KATNBL1: variants seen among roughly 807,000 people sequenced by gnomAD.
KATNBL1 encodes KATNB1-like protein 1.
In KATNBL1, 28 loss-of-function variants were observed where a neutral mutation model predicts 44.7. The observed-to-expected ratio is 0.63, with a 90% CI of 0.46 to 0.86. The LOEUF (loss-of-function observed/expected upper bound fraction) is 0.86, where lower values mean the gene tolerates loss of function less well. Among genes scored for constraint, KATNBL1 ranks in the 40% least tolerant of loss-of-function variants. The probability of loss-of-function intolerance (pLI) is 0.00; values close to 1 mark genes in which losing one functional copy is unlikely to be tolerated. For missense variants in KATNBL1, 272 were observed against 350.7 expected (o/e 0.78, Z 1.79); for synonymous variants, 78 against 114.9 (o/e 0.68, Z 2.06).
At chr15:34,206,422 G>A (rs895562319) in intron 1 of KATNBL1, among the ~76,000 whole-genome samples, 2 of 152,178 alleles carry the variant, frequency 1.3e-5, no homozygotes, top group Admixed American at 6.5e-5. Context: ...CCAAAGTTAA[G>A]GGGTATTAAG....
At chr15:34,164,990 A>C (rs1265442002) in intron 1 of KATNBL1, among the ~76,000 whole-genome samples, 1 of 152,250 alleles carries the variant, frequency 6.6e-6, no homozygotes, top group African/African-American at 2.4e-5. Flanking sequence ...TTTTACAAAT[A>C]ATTTCAGCGA....
intron 9 of KATNBL1, among the ~76,000 whole-genome samples, chr15:34,143,911 G>A (rs1355747230): frequency 2.3e-5 from 3 of 133,020 alleles, no homozygotes; most frequent in Non-Finnish European, 3.1e-5. Flanking sequence ...AGCTTGTAGT[G>A]AGCCGAGATT....
intron 1 of KATNBL1, among the ~76,000 whole-genome samples, chr15:34,202,430 A>G (rs1392004754): frequency 6.7e-6 from 1 of 149,200 alleles, no homozygotes; most frequent in Non-Finnish European, 1.5e-5. Flanking sequence ...TACTAGAGAC[A>G]TTCAAAATCT....
At chr15:34,183,531 G>A (rs1567533114) in intron 1 of KATNBL1, among the ~76,000 whole-genome samples, 1 of 152,106 alleles carries the variant, frequency 6.6e-6, no homozygotes, top group Non-Finnish European at 1.5e-5. Flanking sequence ...CTTGGAAACA[G>A]CTGAATCTCA....
intron 8 of KATNBL1, 73 bp from the exon 9 acceptor site, chr15:34,145,564 T>C (rs530968950): frequency 3.3e-6 from 4 of 1,213,552 alleles, no homozygotes; most frequent in Admixed American, 8.3e-5. Flanking sequence ...TAAATATGCA[T>C]AATAAAAACT....
chr15:34,187,000 G>A, intron 1 of KATNBL1, among the ~76,000 whole-genome samples: 1 of 152,200 alleles, frequency 6.6e-6, no homozygotes, highest in East Asian at 1.9e-4. Context: ...GTCCACAAAA[G>A]CCCTGGGCTC....
At chr15:34,143,212 C>T (rs972031114) in intron 9 of KATNBL1, among the ~76,000 whole-genome samples, 30 of 151,262 alleles carry the variant, frequency 2.0e-4, no homozygotes, top group African/African-American at 6.3e-4. Context: ...TGGTGGCTCC[C>T]GCCTGTAATC....
At chr15:34,196,315 G>A (rs1890027349) in intron 1 of KATNBL1, among the ~76,000 whole-genome samples, 2 of 152,196 alleles carry the variant, frequency 1.3e-5, no homozygotes, top group African/African-American at 2.4e-5. Flanking sequence ...CTGCTTGGGA[G>A]GCTGAGGCAG....
chr15:34,152,737 A>G (rs1010501770), intron 4 of KATNBL1, 53 bp downstream of exon 4: 2 of 1,429,132 alleles, frequency 1.4e-6, no homozygotes, highest in African/African-American at 2.9e-5. Context: ...AAAAAAATCA[A>G]GATTATAACA....
intron 1 of KATNBL1, among the ~76,000 whole-genome samples, chr15:34,167,600 A>G (rs1010297241): frequency 2.0e-5 from 3 of 152,196 alleles, no homozygotes; most frequent in African/African-American, 7.2e-5. Flanking sequence ...AGAGAACACC[A>G]CAAAGATACT....
At chr15:34,192,905 A>T (rs73380155) in intron 1 of KATNBL1, among the ~76,000 whole-genome samples, 1 of 152,162 alleles carries the variant, frequency 6.6e-6, no homozygotes, top group African/African-American at 2.4e-5. Context: ...TTTGCATCTC[A>T]TAAGTATTAC....
chr15:34,161,464 T>C (rs562463883), intron 2 of KATNBL1, among the ~76,000 whole-genome samples: 8 of 152,296 alleles, frequency 5.3e-5, no homozygotes, highest in Non-Finnish European at 8.8e-5. Flanking sequence ...AAATGCTCAA[T>C]GCCGCAAAGA....
At chr15:34,151,180 G>A (rs1888458264) in intron 4 of KATNBL1, among the ~76,000 whole-genome samples, 1 of 152,098 alleles carries the variant, frequency 6.6e-6, no homozygotes, top group South Asian at 2.1e-4. Context: ...TTTCACAATG[G>A]CTGAAACTAA....
At chr15:34,180,833 C>T (rs532967800) in intron 1 of KATNBL1, among the ~76,000 whole-genome samples, 129 of 152,064 alleles carry the variant, frequency 8.5e-4, no homozygotes, top group African/African-American at 3.0e-3. Context: ...GAGGCTGAGG[C>T]GGGAGGGTCA....
Position 34,207,398 on chromosome 15 carries a change from CAG to C in KATNBL1, c.-15+2551_-15+2552del, listed in dbSNP as rs1890323586. Among the ~76,000 whole-genome samples, 8 of 152,016 alleles carry C rather than the reference CAG, an allele frequency of 5.3e-5. No homozygotes were observed. In the South Asian group the frequency reaches 1.7e-3, roughly 32 times the overall value. On this transcript the variant is annotated intron_variant, in intron 1 of 9. Transcript: ENST00000256544. ...TAATTTTTTGTATTTTAAGTAGAGACAGGGTTTCATCGTGTTAGCCAGGATGG... is the reference window on the plus strand; with the variant it reads ...TAATTTTTTGTATTTTAAGTAGAGACGGTTTCATCGTGTTAGCCAGGATGG...
chr15:34,144,419 A>AATATAT (rs148768731), intron 9 of KATNBL1, among the ~76,000 whole-genome samples: 32 of 148,220 alleles, frequency 2.2e-4, no homozygotes, highest in Admixed American at 8.1e-4. Context: ...CTTATTTAGA[A>AATATAT]ATATATATAT....
chr15:34,192,843 T>C (rs1889915252), intron 1 of KATNBL1, among the ~76,000 whole-genome samples: 1 of 152,242 alleles, frequency 6.6e-6, no homozygotes, highest in Admixed American at 6.5e-5. Flanking sequence ...ACCTGGGAGC[T>C]GGGGATCAAC....
chr15:34,159,303 T>G (rs912189894), intron 2 of KATNBL1, among the ~76,000 whole-genome samples: 2 of 152,304 alleles, frequency 1.3e-5, no homozygotes, highest in South Asian at 4.1e-4. Flanking sequence ...GCTACTGTTT[T>G]GTTTACATTG....
intron 1 of KATNBL1, among the ~76,000 whole-genome samples, chr15:34,206,086 G>C (rs1386833573): frequency 6.6e-6 from 1 of 152,146 alleles, no homozygotes; most frequent in Admixed American, 6.5e-5. Flanking sequence ...TAAATCACTT[G>C]CCCAAAAACC....
Sources: gnomAD v4.1 joint callset for allele counts (sites outside exome capture counted in the v4.1 genomes callset) on GRCh38, gnomAD v4.1.1 for gene constraint, MANE v1.5 for transcripts, NCBI Gene and HGNC (gene_info 2026-07-23, HGNC 2026-07-21) for gene names.